Variants in CDH11 observed in about 807,000 individuals in gnomAD.
CDH11 encodes the protein cadherin-11.
A neutral mutation model predicts 67.8 loss-of-function variants in CDH11; 11 were observed. The observed-to-expected ratio is 0.16, with a 90% CI of 0.10 to 0.27. The LOEUF is 0.27. Among genes scored for constraint, CDH11 ranks in the 10% least tolerant of loss-of-function variants. CDH11 has a pLI of 1.00. For missense variants in CDH11, 847 were observed against 1,031.2 expected, an observed-to-expected ratio of 0.82 and a Z score of 2.45; for synonymous variants, 419 against 400.0, an observed-to-expected ratio of 1.05 and a Z score of -0.57.
At chr16:65,012,989 A>C (rs2073213793) in intron 2 of CDH11, among the ~76,000 whole-genome samples, 1 of 152,190 alleles carries the variant, frequency 6.6e-6, no homozygotes, top group Non-Finnish European at 1.5e-5. Flanking sequence ...CTTAGAAAAA[A>C]TACTTTTCCC....
At chr16:64,955,928 A>T (rs1212253178) in intron 11 of CDH11, among the ~76,000 whole-genome samples, 1 of 152,176 alleles carries the variant, frequency 6.6e-6, no homozygotes, top group Non-Finnish European at 1.5e-5. Flanking sequence ...GTCCCCTTGC[A>T]TTGGACATAT....
chr16:65,085,605 T>C (rs772461655), intron 1 of CDH11, among the ~76,000 whole-genome samples: 2 of 152,220 alleles, frequency 1.3e-5, no homozygotes, highest in Non-Finnish European at 2.9e-5. Context: ...AATTCTTTCA[T>C]CTTTCATAGG....
intron 11 of CDH11, chr16:64,968,650 C>T (rs780853993): frequency 1.2e-5 from 8 of 655,560 alleles, no homozygotes; most frequent in African/African-American, 3.9e-5. Flanking sequence ...TTTCTAAAAA[C>T]GCTGAATGCT....
intron 1 of CDH11, among the ~76,000 whole-genome samples, chr16:65,074,927 A>G (rs2074482615): frequency 6.6e-6 from 1 of 152,190 alleles, no homozygotes; most frequent in African/African-American, 2.4e-5. Flanking sequence ...AAGTGTATAT[A>G]CTTGGAAATT....
intron 1 of CDH11, among the ~76,000 whole-genome samples, chr16:65,061,220 A>G (rs2142740781): frequency 6.6e-6 from 1 of 152,308 alleles, no homozygotes; most frequent in Middle Eastern, 3.4e-3. Context: ...TATTATTCTC[A>G]TTTTTGTTTG....
At chr16:65,078,232 T>C (rs555311926) in intron 1 of CDH11, among the ~76,000 whole-genome samples, 1 of 152,210 alleles carries the variant, frequency 6.6e-6, no homozygotes, top group Non-Finnish European at 1.5e-5. Context: ...GCTATAAGAC[T>C]TTACAGTATT....
At chr16:65,051,883 C>A (rs1445154110) in intron 2 of CDH11, among the ~76,000 whole-genome samples, 1 of 152,216 alleles carries the variant, frequency 6.6e-6, no homozygotes, top group Non-Finnish European at 1.5e-5. Context: ...AAACCACTTT[C>A]ATTTATAAAC....
rs148314533 is a variant in CDH11, at chr16:65,026,202, T to G, written c.-172-21161A>C. 4.6e-3 allele frequency among the ~76,000 whole-genome samples: 708 copies of G among 152,278 alleles called. 4 individuals are homozygous for G. Among genetic ancestry groups the G allele is most frequent in the African/African-American group, 0.016 (673 of 41,560 alleles). On this transcript the variant is annotated intron_variant, in intron 2 of 12. Transcript: ENST00000268603. ...CTACTAATTAGCTTTTTTAATTGAG[T>G]GTCTACTATCTGACAGACACTGTGC...
At chr16:65,096,443 G>GTGTGTGTGTATA (rs71143551) in intron 1 of CDH11, among the ~76,000 whole-genome samples, 1 of 138,436 alleles carries the variant, frequency 7.2e-6, no homozygotes, top group Non-Finnish European at 1.5e-5. Context: ...GTGTGTGTGT[G>GTGTGTGTGTATA]TATATATATG....
At chr16:65,100,750 A>AG (rs900874542) in intron 1 of CDH11, among the ~76,000 whole-genome samples, 2 of 151,614 alleles carry the variant, frequency 1.3e-5, no homozygotes, top group Non-Finnish European at 2.9e-5. Flanking sequence ...AAAAAAAAAA[A>AG]AAAGAAAGAA....
chr16:65,064,337 C>T (rs1414092076), intron 1 of CDH11, among the ~76,000 whole-genome samples: 1 of 152,250 alleles, frequency 6.6e-6, no homozygotes, highest in East Asian at 1.9e-4. Context: ...CAACATAACA[C>T]CTCACATTCC....
chr16:65,097,285 C>A (rs1435296021), intron 1 of CDH11, among the ~76,000 whole-genome samples: 3 of 152,234 alleles, frequency 2.0e-5, no homozygotes, highest in Non-Finnish European at 2.9e-5. Context: ...TCATGCTGGA[C>A]AAATTAGCTT....
chr16:64,999,316 AAG>A (rs2072855627), intron 3 of CDH11, among the ~76,000 whole-genome samples: 1 of 152,256 alleles, frequency 6.6e-6, no homozygotes, highest in East Asian at 1.9e-4. Flanking sequence ...TGAATCCTAT[AAG>A]AGATATTCTA....
Position 65,074,580 on chromosome 16 carries a change from G to C in CDH11, c.-297-20652C>G, listed in dbSNP as rs1049077850. On this transcript the variant is annotated intron_variant, in intron 1 of 12. Transcript: ENST00000268603. ...GTCCCAAGAAAGCACCCAAGAATTG[G>C]AACATTTATGACAAGTTCCTATGGA... Among the ~76,000 whole-genome samples the C allele has an allele frequency of 2.6e-5, 4 of 152,044 alleles. No homozygotes were observed. In the East Asian group the frequency reaches 7.7e-4, roughly 29 times the overall value.
Position 64,946,989 on chromosome 16 carries a change from A to C in CDH11, c.*614T>G, listed in dbSNP as rs2071211524. 1 of 992,628 alleles carries C rather than the reference A, an allele frequency of 1.0e-6. No individual in the cohort carries two copies. The highest frequency in any genetic ancestry group is 6.5e-5 in the East Asian group (1 of 15,408). The allele number at this position is 992,628 out of a possible 1,614,324, so 61.5% of individuals were successfully genotyped here. ...ATGACATAGAAATAGGGCGTCTCTC[A>C]CTGAAACAAGACAGTTATATCTGGC... is the stretch of plus-strand genomic sequence containing the variant. On this transcript the variant is annotated 3_prime_UTR_variant, in exon 13 of 13. Transcript: ENST00000268603.
chr16:64,948,668 C>A (rs779978361), intron 12 of CDH11: 7 of 1,610,246 alleles, frequency 4.3e-6, no homozygotes, highest in Non-Finnish European at 5.9e-6. Context: ...TTTATAAAGA[C>A]CCCCAGAAGA....
At position 64,946,362 on chromosome 16, in the gene CDH11, G is replaced by GC. The variant is rs984459308; in HGVS notation, c.*1240_*1241insG. The stretch of plus-strand genomic sequence containing the variant: ...CCCCCAGTTCCCCAGTGCTCAGTGT[G>GC]GGGCATAGAATGTATACCTGGAACA... On this transcript the variant is annotated 3_prime_UTR_variant, in exon 13 of 13. Transcript: ENST00000268603. 1.2e-5 allele frequency: 12 copies of GC among 976,682 alleles called. No homozygotes were observed. The highest frequency in any genetic ancestry group is 1.9e-5 in the African/African-American group (1 of 51,722). The allele number at this position is 976,682 out of a possible 1,614,324, so 60.5% of individuals were successfully genotyped here.
intron 2 of CDH11, among the ~76,000 whole-genome samples, chr16:65,052,401 T>G (rs376748426): frequency 6.6e-6 from 1 of 152,196 alleles, no homozygotes; most frequent in South Asian, 2.1e-4. Context: ...AAATAGCTCC[T>G]TAGAGATAGT....
intron 6 of CDH11, among the ~76,000 whole-genome samples, chr16:64,990,564 C>G (rs1320986344): frequency 1.3e-5 from 2 of 152,152 alleles, no homozygotes; most frequent in Non-Finnish European, 2.9e-5. Flanking sequence ...CATACATAGA[C>G]AGACTTGTGT....
Sources: allele counts gnomAD v4.1 joint callset (sites outside exome capture counted in the v4.1 genomes callset), GRCh38; gene constraint gnomAD v4.1.1; transcripts MANE v1.5; gene names NCBI Gene and HGNC (gene_info 2026-07-23, HGNC 2026-07-21).